The following GPC5 variants were observed in gnomAD, a reference collection of about 807,000 sequenced individuals.
The protein encoded by GPC5 is glypican 5.
In GPC5, 47 loss-of-function variants were observed where a neutral mutation model predicts 53.9. The observed-to-expected ratio is 0.87, with a 90% CI of 0.69 to 1.11. GPC5 has a LOEUF of 1.11. GPC5 is among the 50% of genes most tolerant of loss of function. The pLI is 0.00. For missense variants in GPC5, 748 were observed against 713.1 expected, an observed-to-expected ratio of 1.05 and a Z score of -0.56; for synonymous variants, 286 against 263.3, an observed-to-expected ratio of 1.09 and a Z score of -0.84.
intron 7 of GPC5, among the ~76,000 whole-genome samples, chr13:92,247,323 G>C (rs2042660086): frequency 6.6e-6 from 1 of 152,038 alleles, no homozygotes; most frequent in Admixed American, 6.6e-5. Context: ...AATTGAGACA[G>C]GTATTGTTAA....
intron 1 of GPC5, among the ~76,000 whole-genome samples, chr13:91,441,377 T>C (rs1157970844): frequency 6.6e-6 from 1 of 152,200 alleles, no homozygotes; most frequent in African/African-American, 2.4e-5. Flanking sequence ...TAGAAGAAAG[T>C]AGAATGGTTT....
At chr13:92,278,239 T>C (rs1464097594) in intron 7 of GPC5, among the ~76,000 whole-genome samples, 1 of 151,968 alleles carries the variant, frequency 6.6e-6, no homozygotes, top group Admixed American at 6.6e-5. Flanking sequence ...TTTTTAGATA[T>C]TCAAACTACT....
chr13:92,162,555 G>T (rs1247673913), intron 7 of GPC5, among the ~76,000 whole-genome samples: 1 of 152,150 alleles, frequency 6.6e-6, no homozygotes, highest in East Asian at 1.9e-4. Flanking sequence ...ATAGGGTTAT[G>T]GATAACCAGG....
chr13:92,451,920 G>T (rs1461990747), intron 7 of GPC5, among the ~76,000 whole-genome samples: 1 of 152,062 alleles, frequency 6.6e-6, no homozygotes. Context: ...TCTGCGATGT[G>T]GTGATAAATG....
intron 5 of GPC5, among the ~76,000 whole-genome samples, chr13:91,841,638 A>C (rs1377087788): frequency 6.6e-6 from 1 of 152,120 alleles, no homozygotes; most frequent in African/African-American, 2.4e-5. Context: ...TTTGCAAATA[A>C]ATAAGAAGGC....
Position 91,696,294 on chromosome 13 carries a change from A to G in GPC5, c.1020+2413A>G, listed in dbSNP as rs562737721. Among the ~76,000 whole-genome samples, 6 of 152,334 alleles carry G rather than the reference A, an allele frequency of 3.9e-5. No homozygotes were observed. The East Asian group carries it at 1.2e-3, about 29-fold the overall frequency. On this transcript the variant is annotated intron_variant, in intron 3 of 7. Coordinates refer to ENST00000377067, the MANE Select transcript of GPC5 (RefSeq NM_004466.6). ...TCAAAGAGAGTGCTCTTTTTAAAAT[A>G]GTCTGATTTTATATAATAGTCCTAT... is the stretch of plus-strand genomic sequence containing the variant.
At chr13:92,604,277 G>A (rs1012444436) in intron 7 of GPC5, among the ~76,000 whole-genome samples, 1 of 152,082 alleles carries the variant, frequency 6.6e-6, no homozygotes, top group Non-Finnish European at 1.5e-5. Flanking sequence ...TGTATTTAGG[G>A]ATTTACATGT....
chr13:91,799,447 T>C (rs2038099186), intron 5 of GPC5, among the ~76,000 whole-genome samples: 1 of 152,142 alleles, frequency 6.6e-6, no homozygotes, highest in Non-Finnish European at 1.5e-5. Flanking sequence ...AATATACCCA[T>C]GTAACAAACT....
In GPC5 at chr13:92,038,902, G is replaced by A. The variant is rs535107135; in HGVS notation, c.1402-105928G>A. On this transcript the variant is annotated intron_variant, in intron 6 of 7. Coordinates refer to ENST00000377067, the MANE Select transcript of GPC5 (RefSeq NM_004466.6). ...ACAGACTCATTAAACTGAGAAGAAC[G>A]CATCTAAGGAGGTGGCAGAAAAACC... 3.3e-4 allele frequency among the ~76,000 whole-genome samples: 50 copies of A among 152,220 alleles called. 1 individual carries two copies. Among genetic ancestry groups the A allele is most frequent in the South Asian group, 1.2e-3 (6 of 4,828 alleles).
chr13:91,673,254 T>C (rs1414401051), intron 2 of GPC5, among the ~76,000 whole-genome samples: 2 of 151,358 alleles, frequency 1.3e-5, no homozygotes, highest in Non-Finnish European at 3.0e-5. Context: ...AACAAAACCA[T>C]CACACTAAGC....
At chr13:92,757,715 A>G (rs1040668798) in intron 7 of GPC5, among the ~76,000 whole-genome samples, 11 of 152,266 alleles carry the variant, frequency 7.2e-5, no homozygotes, top group African/African-American at 2.2e-4. Context: ...TATGCAGCCA[A>G]AAGACACATG....
chr13:92,133,112 C>G (rs927592826), intron 6 of GPC5, among the ~76,000 whole-genome samples: 1 of 152,122 alleles, frequency 6.6e-6, no homozygotes, highest in Non-Finnish European at 1.5e-5. Flanking sequence ...AAATACCCAC[C>G]TACCCCCTTT....
At chr13:91,488,094 G>T (rs2139242005) in intron 2 of GPC5, among the ~76,000 whole-genome samples, 1 of 152,182 alleles carries the variant, frequency 6.6e-6, no homozygotes, top group Middle Eastern at 3.4e-3. Context: ...ATATATGTAT[G>T]ACCCAGAGGG....
chr13:91,536,635 G>A (rs1015180644), intron 2 of GPC5, among the ~76,000 whole-genome samples: 5 of 152,124 alleles, frequency 3.3e-5, no homozygotes, highest in Non-Finnish European at 5.9e-5. Context: ...GCTTGTGCAC[G>A]GCTGTCTTCT....
chr13:92,624,580 CACA>C (rs1428102982), intron 7 of GPC5, among the ~76,000 whole-genome samples: 2 of 152,162 alleles, frequency 1.3e-5, no homozygotes, highest in Non-Finnish European at 2.9e-5. Context: ...ACAGTTCTCT[CACA>C]ACAATAACAG....
intron 6 of GPC5, among the ~76,000 whole-genome samples, chr13:91,932,225 T>A (rs2039828951): frequency 6.6e-6 from 1 of 152,056 alleles, no homozygotes; most frequent in South Asian, 2.1e-4. Context: ...AATGTGTCCC[T>A]TTTTGACATT....
intron 7 of GPC5, among the ~76,000 whole-genome samples, chr13:92,164,906 G>T (rs530049140): frequency 6.6e-6 from 1 of 152,320 alleles, no homozygotes; most frequent in South Asian, 2.1e-4. Flanking sequence ...CCATGTAAAA[G>T]CCACCAAGGC....
At chr13:92,376,959 G>C (rs1313777842) in intron 7 of GPC5, among the ~76,000 whole-genome samples, 1 of 151,762 alleles carries the variant, frequency 6.6e-6, no homozygotes, top group Non-Finnish European at 1.5e-5. Flanking sequence ...AGGTTGCAGT[G>C]AGCCGACATC....
chr13:92,786,947 G>A (rs754864402), intron 7 of GPC5, among the ~76,000 whole-genome samples: 3 of 152,150 alleles, frequency 2.0e-5, no homozygotes, highest in Non-Finnish European at 4.4e-5. Flanking sequence ...AAACAGCTGC[G>A]CTGCTGACTA....
Sources: gnomAD v4.1 joint callset for allele counts (sites outside exome capture counted in the v4.1 genomes callset) on GRCh38, gnomAD v4.1.1 for gene constraint, MANE v1.5 for transcripts, NCBI Gene and HGNC (gene_info 2026-07-23, HGNC 2026-07-21) for gene names.